The following ADAMTS12 variants were observed in gnomAD, a reference collection of about 807,000 sequenced individuals.
ADAMTS12 encodes A disintegrin and metalloproteinase with thrombospondin motifs 12.
ADAMTS12 carries 118 observed loss-of-function variants against 167.8 expected under a neutral mutation model. That is an observed-to-expected ratio of 0.70 (90% CI 0.61 to 0.82). ADAMTS12 has a LOEUF of 0.82. ADAMTS12 is among the 40% of genes least tolerant of loss of function. The probability of loss-of-function intolerance (pLI) is 0.00; values close to 1 mark genes in which losing one functional copy is unlikely to be tolerated. For missense variants in ADAMTS12, 1,916 were observed against 1,998.8 expected, an observed-to-expected ratio of 0.96 and a Z score of 0.79; for synonymous variants, 704 against 716.9, an observed-to-expected ratio of 0.98 and a Z score of 0.29.
At chr5:33,536,660 C>T (rs572795056) in intron 22 of ADAMTS12, among the ~76,000 whole-genome samples, 1 of 152,292 alleles carries the variant, frequency 6.6e-6, no homozygotes, top group South Asian at 2.1e-4. Context: ...CTCTCATTAT[C>T]CCTCCATTCT....
At chr5:33,745,193 A>G (rs887608681) in intron 3 of ADAMTS12, among the ~76,000 whole-genome samples, 1 of 152,042 alleles carries the variant, frequency 6.6e-6, no homozygotes. Flanking sequence ...AGGGGTGGAA[A>G]GCTCAGAGGC....
chr5:33,764,648 T>G (rs1433382393), intron 2 of ADAMTS12, among the ~76,000 whole-genome samples: 1 of 152,294 alleles, frequency 6.6e-6, no homozygotes, highest in South Asian at 2.1e-4. Flanking sequence ...AAGGCAAAAC[T>G]TCAGTCTAAC....
chr5:33,780,276 A>G (rs1746077861), intron 2 of ADAMTS12, among the ~76,000 whole-genome samples: 1 of 152,218 alleles, frequency 6.6e-6, no homozygotes, highest in Admixed American at 6.5e-5. Flanking sequence ...CAAGGTTAAA[A>G]AGGAGATCAG....
chr5:33,832,853 T>C (rs2591723), intron 2 of ADAMTS12, among the ~76,000 whole-genome samples: 21,828 of 152,002 alleles, frequency 0.14, 2,869 homozygotes, highest in East Asian at 0.39. Flanking sequence ...CCGTGGGAGG[T>C]AGAAACCAGA....
At chr5:33,734,772 TC>T (rs1407540301) in intron 3 of ADAMTS12, among the ~76,000 whole-genome samples, 1 of 152,184 alleles carries the variant, frequency 6.6e-6, no homozygotes, top group Non-Finnish European at 1.5e-5. Context: ...GGCTGAGTGT[TC>T]CACTGGAAGA....
chr5:33,613,194 A>G (rs181628925), intron 16 of ADAMTS12, among the ~76,000 whole-genome samples: 1 of 152,338 alleles, frequency 6.6e-6, no homozygotes, highest in African/African-American at 2.4e-5. Flanking sequence ...GGTTGCAGTT[A>G]CAGCCTAGAG....
Position 33,705,025 on chromosome 5 carries a change from C to T in ADAMTS12, c.635-20970G>A, listed in dbSNP as rs540682663. 1.2e-4 allele frequency among the ~76,000 whole-genome samples: 18 copies of T among 151,196 alleles called. 1 individual carries two copies. The highest frequency in any genetic ancestry group is 4.4e-4 in the African/African-American group (18 of 41,124). ...GTAAGGGTTCAATTTTATGCTTTTG[C>T]ATGTGGTTATTCCTTTTTATTCCTT... On this transcript the variant is annotated intron_variant, in intron 3 of 23. Coordinates refer to ENST00000504830, the MANE Select transcript of ADAMTS12 (RefSeq NM_030955.4).
intron 3 of ADAMTS12, among the ~76,000 whole-genome samples, chr5:33,736,681 G>A (rs1434836084): frequency 6.6e-6 from 1 of 152,212 alleles, no homozygotes; most frequent in African/African-American, 2.4e-5. Flanking sequence ...TCAATAACAA[G>A]TCTGGGTTGT....
chr5:33,882,076 A>T (rs1291937011), intron 1 of ADAMTS12, among the ~76,000 whole-genome samples: 1 of 152,200 alleles, frequency 6.6e-6, no homozygotes, highest in African/African-American at 2.4e-5. Context: ...AAAAGGGGCA[A>T]GATCTGAATG....
chr5:33,770,196 A>C (rs1169765605), intron 2 of ADAMTS12, among the ~76,000 whole-genome samples: 1 of 152,168 alleles, frequency 6.6e-6, no homozygotes, highest in African/African-American at 2.4e-5. Context: ...AGGGCTTTGA[A>C]GAGGAAATGG....
At chr5:33,715,996 GAAACATTATATACTACAAA>G (rs1743599544) in intron 3 of ADAMTS12, among the ~76,000 whole-genome samples, 1 of 152,092 alleles carries the variant, frequency 6.6e-6, no homozygotes, top group Non-Finnish European at 1.5e-5. Flanking sequence ...TTAACTTTTA[GAAACATTATATACTACAAA>G]TAATTTTTGT....
At chr5:33,858,330 A>G (rs1255074764) in intron 2 of ADAMTS12, among the ~76,000 whole-genome samples, 1 of 152,236 alleles carries the variant, frequency 6.6e-6, no homozygotes, top group African/African-American at 2.4e-5. Flanking sequence ...AGCAATGCTG[A>G]GAGGAAAAGC....
chr5:33,581,820 C>T (rs1006336738), intron 18 of ADAMTS12, among the ~76,000 whole-genome samples: 7 of 152,034 alleles, frequency 4.6e-5, no homozygotes, highest in African/African-American at 1.5e-4. Context: ...AGGGTGGGCC[C>T]TAATGGTATC....
intron 16 of ADAMTS12, among the ~76,000 whole-genome samples, chr5:33,613,846 G>A (rs1738850031): frequency 6.6e-6 from 1 of 152,188 alleles, no homozygotes; most frequent in Non-Finnish European, 1.5e-5. Flanking sequence ...TTAGGAATCA[G>A]AAGAGCTGGT....
At chr5:33,817,243 A>C (rs1308520194) in intron 2 of ADAMTS12, among the ~76,000 whole-genome samples, 2 of 152,212 alleles carry the variant, frequency 1.3e-5, no homozygotes, top group Non-Finnish European at 2.9e-5. Context: ...TATGTTTTAC[A>C]AGAGACATTA....
intron 16 of ADAMTS12, among the ~76,000 whole-genome samples, chr5:33,613,735 C>T (rs2112091081): frequency 6.6e-6 from 1 of 152,266 alleles, no homozygotes; most frequent in East Asian, 1.9e-4. Flanking sequence ...TAGTACATGG[C>T]AGCAAGTGAA....
intron 5 of ADAMTS12, among the ~76,000 whole-genome samples, chr5:33,677,967 A>G (rs908053300): frequency 2.0e-5 from 3 of 152,210 alleles, no homozygotes; most frequent in Admixed American, 1.3e-4. Context: ...CATTTTATGT[A>G]TATAGCCTAA....
intron 3 of ADAMTS12, among the ~76,000 whole-genome samples, chr5:33,717,238 CT>C (rs917417222): frequency 7.2e-5 from 11 of 151,972 alleles, no homozygotes; most frequent in Non-Finnish European, 1.3e-4. Flanking sequence ...TCTTTCCTCA[CT>C]GAAAAGCTCA....
chr5:33,653,669 G>A (rs1030719480), intron 7 of ADAMTS12, among the ~76,000 whole-genome samples: 1 of 152,086 alleles, frequency 6.6e-6, no homozygotes, highest in Non-Finnish European at 1.5e-5. Flanking sequence ...GAAATCCACT[G>A]TCACTCAAAT....
Sources: gnomAD v4.1 joint callset for allele counts (sites outside exome capture counted in the v4.1 genomes callset) on GRCh38, gnomAD v4.1.1 for gene constraint, MANE v1.5 for transcripts, NCBI Gene and HGNC (gene_info 2026-07-23, HGNC 2026-07-21) for gene names.